Variants in SCAI observed in about 807,000 individuals in gnomAD.
SCAI encodes the protein suppressor of cancer cell invasion, also known as protein SCAI.
SCAI carries 24 observed loss-of-function variants against 92.2 expected under a neutral mutation model. The ratio of observed to expected loss-of-function variants is 0.26; its 90% CI spans 0.19 to 0.37. The LOEUF (loss-of-function observed/expected upper bound fraction) is 0.37, where lower values mean the gene tolerates loss of function less well. Ranked by LOEUF, SCAI falls within the 10% of genes least tolerant of loss-of-function variation. The pLI is 1.00. For synonymous variants in SCAI, 261 were observed against 258.6 expected, an observed-to-expected ratio of 1.01 and a Z score of -0.09; for missense variants, 450 against 736.2, an observed-to-expected ratio of 0.61 and a Z score of 4.50.
At chr9:125,021,059 T>A (rs1222733843) in intron 6 of SCAI, among the ~76,000 whole-genome samples, 1 of 152,136 alleles carries the variant, frequency 6.6e-6, no homozygotes, top group African/African-American at 2.4e-5. Context: ...TCTTCAAAGA[T>A]CTTACAGACA....
chr9:125,081,721 T>C (rs1030980848), intron 2 of SCAI, among the ~76,000 whole-genome samples: 6 of 152,132 alleles, frequency 3.9e-5, no homozygotes, highest in Non-Finnish European at 7.4e-5. Flanking sequence ...CACAGGCGCA[T>C]GCTGCCAGGC....
In SCAI at chr9:125,127,183, C is replaced by G. The variant is rs1215666220; in HGVS notation, c.98+15450G>C. Among the ~76,000 whole-genome samples, 12 of 152,160 alleles carry G rather than the reference C, an allele frequency of 7.9e-5. 1 individual carries two copies. ...GTACCAAGCAAAGCTGAAGCCTGTA[C>G]ATCAGAATCCCCAGGCTTCAACGCC... is the stretch of plus-strand genomic sequence containing the variant. On this transcript the variant is annotated intron_variant, in intron 2 of 17. Transcript: ENST00000336505.
Position 125,004,752 on chromosome 9 carries a change from TATATATATATATA to T in SCAI, c.862-1195_862-1183del, listed in dbSNP as rs1832445314. Among the ~76,000 whole-genome samples the T allele has an allele frequency of 7.9e-4, 12 of 15,176 alleles. 1 individual carries two copies. Among genetic ancestry groups the T allele is most frequent in the East Asian group, 1.6e-3 (1 of 624 alleles). 10.0% of individuals were successfully genotyped at this position (15,176 alleles called of 152,430 possible). A position where few individuals can be genotyped will look rare whatever the true frequency, so the allele number is the denominator to read the frequency against. On this transcript the variant is annotated intron_variant, in intron 9 of 17. Coordinates refer to ENST00000336505, the MANE Select transcript of SCAI (RefSeq NM_001144877.3). Reference sequence around the variant, plus strand: ...TGTGATCCATATATATATATATATATATATATATATATATATATATATATATATTTTTTTTTTT... The same window carrying T: ...TGTGATCCATATATATATATATATATTATATATATATATATTTTTTTTTTT...
chr9:125,018,908 A>G lies in SCAI; in HGVS notation c.752T>C (p.Ile251Thr), dbSNP rs1473742024. The change falls in exon 9 of 18, where the codon ATC (isoleucine) becomes ACC (threonine). Residue 251 changes from isoleucine to threonine, a missense_variant. By Grantham distance (89) the Ile-to-Thr change is moderately conservative (BLOSUM62 -1). Coordinates refer to ENST00000336505, the MANE Select transcript of SCAI (RefSeq NM_001144877.3). ...TGTTTCAGCAAGGCGATTCGATGTG[A>G]TAACAATGGTATTATCATCATTTAA... is the stretch of plus-strand genomic sequence containing the variant. ...MVLNDDNTIV[I>T]TSNRLAETGA... 11 of 1,614,092 alleles carry G rather than the reference A, an allele frequency of 6.8e-6. No homozygotes were observed. The South Asian group carries it at 1.1e-4, about 16-fold the overall frequency.
chr9:125,134,357 T>C (rs1425601315), intron 2 of SCAI, among the ~76,000 whole-genome samples: 4 of 152,168 alleles, frequency 2.6e-5, no homozygotes, highest in Non-Finnish European at 5.9e-5. Flanking sequence ...CATGAGATTT[T>C]CCCCAACAAC....
chr9:125,022,058 A>C (rs1019541986), intron 6 of SCAI, among the ~76,000 whole-genome samples: 4 of 152,276 alleles, frequency 2.6e-5, no homozygotes, highest in African/African-American at 9.6e-5. Context: ...TGTTGCACAC[A>C]ATTTTAGGTA....
chr9:125,073,658 G>A (rs934864398), intron 2 of SCAI, among the ~76,000 whole-genome samples: 1 of 152,088 alleles, frequency 6.6e-6, no homozygotes, highest in Non-Finnish European at 1.5e-5. Flanking sequence ...CTTCTTTGGA[G>A]CAATGTCTAT....
intron 3 of SCAI, among the ~76,000 whole-genome samples, chr9:125,032,338 C>T (rs1441704520): frequency 6.6e-6 from 1 of 150,416 alleles, no homozygotes; most frequent in Admixed American, 6.6e-5. Context: ...ACTGCAAGCA[C>T]ACGATACCAC....
intron 2 of SCAI, among the ~76,000 whole-genome samples, chr9:125,130,202 G>A (rs1001456276): frequency 3.3e-5 from 5 of 151,848 alleles, no homozygotes; most frequent in Non-Finnish European, 5.9e-5. Context: ...TCCAGCCAAA[G>A]CATTCTTAAA....
chr9:125,106,100 A>C (rs1257870302), intron 2 of SCAI, among the ~76,000 whole-genome samples: 7 of 27,014 alleles, frequency 2.6e-4, no homozygotes, highest in Admixed American at 1.6e-3. Context: ...CCATCTCAAA[A>C]AAAAAAAAAA....
chr9:125,065,889 C>G, intron 2 of SCAI: 1 of 638,084 alleles, frequency 1.6e-6, no homozygotes, highest in Non-Finnish European at 2.8e-6. Flanking sequence ...CATTGGCTCA[C>G]AATTAAGAAA....
At chr9:125,094,705 T>C (rs892129625) in intron 2 of SCAI, among the ~76,000 whole-genome samples, 2 of 152,090 alleles carry the variant, frequency 1.3e-5, no homozygotes, top group Admixed American at 6.6e-5. Context: ...TCTCCCCATG[T>C]TGCCCAGGCT....
chr9:124,981,669 A>G (rs910891031), intron 14 of SCAI, among the ~76,000 whole-genome samples: 4 of 147,542 alleles, frequency 2.7e-5, no homozygotes, highest in African/African-American at 5.0e-5. Context: ...TTTTTTTTTT[A>G]GTCAAGGTCT....
intron 3 of SCAI, among the ~76,000 whole-genome samples, chr9:125,031,263 A>C (rs1588164020): frequency 6.7e-6 from 1 of 150,142 alleles, no homozygotes; most frequent in Non-Finnish European, 1.5e-5. Flanking sequence ...TATTGAGGTC[A>C]CTTTTTTTTT....
intron 2 of SCAI, among the ~76,000 whole-genome samples, chr9:125,139,284 A>G (rs1036031027): frequency 1.3e-5 from 2 of 152,172 alleles, no homozygotes; most frequent in African/African-American, 4.8e-5. Flanking sequence ...ATAGTGATGC[A>G]CATCTGTAGT....
intron 3 of SCAI, among the ~76,000 whole-genome samples, chr9:125,035,138 T>C (rs1460170427): frequency 6.6e-6 from 1 of 152,026 alleles, no homozygotes; most frequent in Non-Finnish European, 1.5e-5. Context: ...GAGGACTGCT[T>C]GAACCCAGAA....
chr9:125,016,385 C>CTCAA (rs1832760221), intron 9 of SCAI, among the ~76,000 whole-genome samples: 1 of 46,736 alleles, frequency 2.1e-5, no homozygotes. Context: ...AAGACTCTGT[C>CTCAA]TCAATAAATA....
rs1364102378 is a variant in SCAI at position 125,073,100 on chromosome 9, T to TTTTTTTTC, written c.99-17094_99-17093insGAAAAAAA. Among the ~76,000 whole-genome samples the TTTTTTTTC allele has an allele frequency of 2.1e-3, 221 of 102,860 alleles. 4 individuals carry two copies. The highest frequency in any genetic ancestry group is 7.1e-3 in the African/African-American group (203 of 28,430). The allele number at this position is 102,860 out of a possible 152,430, so 67.5% of individuals were successfully genotyped here. ...TGAGGATTCTATTTTTAATTTTTTT[T>TTTTTTTTC]TTTTTTTTTTTTTTTTTTTTTTGAG... On this transcript the variant is annotated intron_variant, in intron 2 of 17. Coordinates refer to ENST00000336505, the MANE Select transcript of SCAI (RefSeq NM_001144877.3).
chr9:124,984,509 T>C (rs754994328), intron 14 of SCAI, among the ~76,000 whole-genome samples: 3 of 152,108 alleles, frequency 2.0e-5, no homozygotes, highest in Non-Finnish European at 4.4e-5. Flanking sequence ...GAGGAGGTAA[T>C]AGGATCTTGG....
Sources: gnomAD v4.1 joint callset for allele counts (sites outside exome capture counted in the v4.1 genomes callset) on GRCh38, gnomAD v4.1.1 for gene constraint, MANE v1.5 for transcripts, NCBI Gene and HGNC (gene_info 2026-07-23, HGNC 2026-07-21) for gene names.